The following ENTPD1 variants were observed in gnomAD, a reference collection of about 807,000 sequenced individuals.
ENTPD1 encodes ectonucleoside triphosphate diphosphohydrolase 1.
A neutral mutation model predicts 57.0 loss-of-function variants in ENTPD1; 33 were observed. The ratio of observed to expected loss-of-function variants is 0.58; its 90% CI spans 0.44 to 0.77. ENTPD1 has a LOEUF of 0.77. Among genes scored for constraint, ENTPD1 ranks in the 30% least tolerant of loss-of-function variants. The probability of loss-of-function intolerance (pLI) is 0.00; values close to 1 mark genes in which losing one functional copy is unlikely to be tolerated. For synonymous variants in ENTPD1, 202 were observed against 218.8 expected (o/e 0.92, Z 0.68); for missense variants, 501 against 603.4 (o/e 0.83, Z 1.78).
upstream of ENTPD1, among the ~76,000 whole-genome samples, chr10:95,751,218 A>G (rs1239986679): frequency 2.6e-5 from 4 of 152,230 alleles, no homozygotes. Flanking sequence ...AAGTCTGCCA[A>G]TGACATTATC....
At chr10:95,776,985 A>G (rs931582523) in intron 1 of ENTPD1, among the ~76,000 whole-genome samples, 2 of 152,122 alleles carry the variant, frequency 1.3e-5, no homozygotes, top group Non-Finnish European at 2.9e-5. Flanking sequence ...CAGCTTGGTC[A>G]TTTAAGGTGT....
At chr10:95,772,467 A>G (rs1191282927) in intron 1 of ENTPD1, among the ~76,000 whole-genome samples, 1 of 152,246 alleles carries the variant, frequency 6.6e-6, no homozygotes, top group African/African-American at 2.4e-5. Context: ...CCCCAAGAGT[A>G]GATTCCATCT....
rs115429547 is a variant in ENTPD1, at chr10:95,728,801, G to A, written c.37+16808G>A. 1.6e-3 allele frequency among the ~76,000 whole-genome samples: 248 copies of A among 152,166 alleles called. 1 individual carries two copies. The highest frequency in any genetic ancestry group is 5.6e-3 in the African/African-American group (234 of 41,512). On this transcript the variant is annotated intron_variant, in intron 1 of 9. Coordinates refer to the ENTPD1 transcript ENST00000453258. ...ATTACAATAGTACAGTATGTTCTAC[G>A]GTGAATTTTATGAAGTTATGATTTA...
chr10:95,865,476 G>A (rs567114258), intron 9 of ENTPD1, among the ~76,000 whole-genome samples: 1 of 152,300 alleles, frequency 6.6e-6, no homozygotes, highest in Admixed American at 6.5e-5. Flanking sequence ...AGAGCAGTGT[G>A]TCTCTACCTT....
chr10:95,790,565 A>G (rs2098199538), intron 1 of ENTPD1, among the ~76,000 whole-genome samples: 1 of 152,238 alleles, frequency 6.6e-6, no homozygotes, highest in African/African-American at 2.4e-5. Flanking sequence ...AAACCACTGT[A>G]TACTTATTAC....
chr10:95,763,115 G>A, intron 1 of ENTPD1, among the ~76,000 whole-genome samples: 1 of 151,620 alleles, frequency 6.6e-6, no homozygotes, highest in Non-Finnish European at 1.5e-5. Context: ...TGTTATGACG[G>A]GGTTTCACCA....
chr10:95,847,303 G>A (rs2098437598), intron 6 of ENTPD1, 143 bp from the exon 7 acceptor site: 1 of 923,650 alleles, frequency 1.1e-6, no homozygotes, highest in South Asian at 1.3e-5. Context: ...TATTCCTAAG[G>A]GTAAAAAGGC....
At chr10:95,852,444 A>G (rs1233074762) in intron 7 of ENTPD1, among the ~76,000 whole-genome samples, 1 of 152,048 alleles carries the variant, frequency 6.6e-6, no homozygotes, top group Admixed American at 6.6e-5. Context: ...ATTAGATCCC[A>G]TTTGTCAATT....
intron 2 of ENTPD1, among the ~76,000 whole-genome samples, chr10:95,836,841 G>A (rs2098410951): frequency 2.0e-5 from 3 of 152,190 alleles, no homozygotes; most frequent in South Asian, 2.1e-4. Context: ...GGCTCTGATG[G>A]ATGTTGTAAC....
At chr10:95,735,659 G>C (rs565971675) in intron 1 of ENTPD1, among the ~76,000 whole-genome samples, 1 of 151,990 alleles carries the variant, frequency 6.6e-6, no homozygotes, top group East Asian at 1.9e-4. Flanking sequence ...GCAATGGTGC[G>C]ATCTCGGCTC....
intron 8 of ENTPD1, among the ~76,000 whole-genome samples, chr10:95,861,054 T>G (rs2098464466): frequency 6.6e-6 from 1 of 152,354 alleles, no homozygotes; most frequent in Admixed American, 6.5e-5. Flanking sequence ...TGGCCAGGAT[T>G]GACTGGGAAA....
At chr10:95,808,665 G>A (rs1433915289) in intron 1 of ENTPD1, among the ~76,000 whole-genome samples, 2 of 151,708 alleles carry the variant, frequency 1.3e-5, no homozygotes, top group Non-Finnish European at 2.9e-5. Context: ...CACATGCCAA[G>A]GCACCTTCTT....
chr10:95,822,172 G>C (rs2098355124), intron 1 of ENTPD1, among the ~76,000 whole-genome samples: 1 of 151,390 alleles, frequency 6.6e-6, no homozygotes, highest in Non-Finnish European at 1.5e-5. Context: ...TCTAATTTTT[G>C]TATTTTCAGT....
rs1291630182 is a variant in ENTPD1, at chr10:95,869,659, A to T, written c.*3276A>T. The T allele has an allele frequency of 1.0e-6, 1 of 981,744 alleles. No individual in the cohort carries two copies. The highest frequency in any genetic ancestry group is 1.7e-5 in the African/African-American group (1 of 57,150). The allele number at this position is 981,744 out of a possible 1,614,324, so 60.8% of individuals were successfully genotyped here. A position where few individuals can be genotyped will look rare whatever the true frequency, so the allele number is the denominator to read the frequency against. ...GTTTCAATTCATCCAATTCTTAATA[A>T]GAAATATGTAAATAAAATTTTTTAA... On this transcript the variant is annotated 3_prime_UTR_variant, in exon 10 of 10. Coordinates refer to ENST00000371205, the MANE Select transcript of ENTPD1 (RefSeq NM_001776.6).
At chr10:95,847,018 A>T (rs923357004) in intron 6 of ENTPD1, among the ~76,000 whole-genome samples, 1 of 152,080 alleles carries the variant, frequency 6.6e-6, no homozygotes. Flanking sequence ...CTTGGATAGG[A>T]GAATGCTTGA....
In ENTPD1 at chr10:95,872,446, T is replaced by C; in HGVS notation, c.*6063T>C. ...TCACCCAACACCACTCAGGTTGTCT[T>C]CTCAACTTGGAATACTCTTGCACCT... On this transcript the variant is annotated 3_prime_UTR_variant, in exon 10 of 10. Transcript: ENST00000371205. 1.0e-6 allele frequency: 1 copy of C among 985,402 alleles called. No homozygotes were observed. The allele number at this position is 985,402 out of a possible 1,614,324, so 61.0% of individuals were successfully genotyped here.
chr10:95,811,519 C>T (rs1030286256), intron 1 of ENTPD1, among the ~76,000 whole-genome samples: 1 of 152,058 alleles, frequency 6.6e-6, no homozygotes, highest in Non-Finnish European at 1.5e-5. Flanking sequence ...TCCTGAGTAG[C>T]TGGGACCACA....
chr10:95,767,209 G>A (rs1468817644), intron 1 of ENTPD1, among the ~76,000 whole-genome samples: 12 of 150,576 alleles, frequency 8.0e-5, no homozygotes, highest in South Asian at 2.1e-4. Flanking sequence ...CCAGCTACTC[G>A]GGAGGCTGAG....
At chr10:95,852,544 T>C (rs1252056372) in intron 7 of ENTPD1, among the ~76,000 whole-genome samples, 2 of 152,240 alleles carry the variant, frequency 1.3e-5, no homozygotes, top group Non-Finnish European at 2.9e-5. Context: ...GGTTTTCTTC[T>C]AGGGTTTTTA....
Sources: gnomAD v4.1 joint callset for allele counts (sites outside exome capture counted in the v4.1 genomes callset) on GRCh38, gnomAD v4.1.1 for gene constraint, MANE v1.5 for transcripts, NCBI Gene and HGNC (gene_info 2026-07-23, HGNC 2026-07-21) for gene names.